The following PRNP variants were observed in gnomAD, a reference collection of about 807,000 sequenced individuals.
PRNP encodes the protein major prion protein.
Under a neutral mutation model 21.3 loss-of-function variants are expected in PRNP, and 15 were observed. The observed-to-expected ratio is 0.71, with a 90% CI of 0.47 to 1.09. The LOEUF is 1.09. PRNP is among the 50% of genes least tolerant of loss of function. PRNP has a pLI of 0.00. For missense variants in PRNP, 285 were observed against 340.9 expected (o/e 0.84, Z 1.29); for synonymous variants, 121 against 123.1 (o/e 0.98, Z 0.11).
chr20:4,687,880 C>G (rs913545160), intron 1 of PRNP, among the ~76,000 whole-genome samples: 10 of 151,970 alleles, frequency 6.6e-5, no homozygotes, highest in South Asian at 6.2e-4. Context: ...AACATAGGAA[C>G]AGGGAATTGG....
rs563095366 is a variant in PRNP at position 4,700,522 on chromosome 20, C to T, written c.*540C>T. The stretch of plus-strand genomic sequence containing the variant: ...TAGCTCTTGGGATGCAGGCTCAGCC[C>T]GCTGGAGCATGAGCTCTGTGTGTAC... On this transcript the variant is annotated 3_prime_UTR_variant, in exon 2 of 2. Coordinates refer to ENST00000379440, the MANE Select transcript of PRNP (RefSeq NM_000311.5). The surrounding 1 kb of genome is among the most constrained non-coding windows in gnomAD (Gnocchi z 4.1). 9.0e-5 allele frequency: 28 copies of T among 309,952 alleles called. No individual in the cohort carries two copies. Among genetic ancestry groups the T allele is most frequent in the Admixed American group, 1.9e-4 (4 of 20,748 alleles). 19.2% of individuals were successfully genotyped at this position (309,952 alleles called of 1,614,324 possible).
At chr20:4,692,602 C>T (rs1409007695) in intron 1 of PRNP, among the ~76,000 whole-genome samples, 2 of 152,096 alleles carry the variant, frequency 1.3e-5, no homozygotes, top group African/African-American at 2.4e-5. Context: ...TCTATAGAAA[C>T]GTTTTAAAAA....
At position 4,699,611 on chromosome 20, in the gene PRNP, G is replaced by A. The variant is rs748577950; in HGVS notation, c.391G>A (p.Gly131Arg). 2 of 1,614,028 alleles carry A rather than the reference G, an allele frequency of 1.2e-6. No individual in the cohort carries two copies. Among genetic ancestry groups the A allele is most frequent in the African/African-American group, 1.3e-5 (1 of 74,922 alleles). ...GGGGGGCCTTGGCGGCTACATGCTG[G>A]GAAGTGCCATGAGCAGGCCCATCAT... ...VVGGLGGYML[G>R]SAMSRPIIHF... The change falls in exon 2 of 2, where the codon GGA becomes AGA. Residue 131 changes from glycine to arginine, a missense_variant. Coordinates refer to ENST00000379440, the MANE Select transcript of PRNP (RefSeq NM_000311.5). This position sits in a 1 kb window ranked among gnomAD's most constrained non-coding sequence, Gnocchi z 5.8.
chr20:4,692,173 GTA>G (rs1355606785), intron 1 of PRNP, among the ~76,000 whole-genome samples: 1 of 152,148 alleles, frequency 6.6e-6, no homozygotes, highest in Non-Finnish European at 1.5e-5. Context: ...AAAAAACATT[GTA>G]TGTCTTTCTC....
chr20:4,700,970 T>C lies in PRNP; in HGVS notation c.*988T>C, dbSNP rs1922570272. 1 of 166,984 alleles carries C rather than the reference T, an allele frequency of 6.0e-6. No homozygotes were observed. Among genetic ancestry groups the C allele is most frequent in the Non-Finnish European group, 1.5e-5 (1 of 68,122 alleles). The allele number at this position is 166,984 out of a possible 1,614,324, so 10.3% of individuals were successfully genotyped here. A position where few individuals can be genotyped will look rare whatever the true frequency, so the allele number is the denominator to read the frequency against. On this transcript the variant is annotated 3_prime_UTR_variant, in exon 2 of 2. Transcript: ENST00000379440. This position sits in a 1 kb window ranked among gnomAD's most constrained non-coding sequence, Gnocchi z 4.1. ...ATGGTCAGTGTGCAAAGAAAAGAAC[T>C]GCTTGCATTTCTTTATTTCTGTCTC...
intron 1 of PRNP, among the ~76,000 whole-genome samples, chr20:4,694,237 A>G (rs1056191351): frequency 3.3e-5 from 5 of 151,370 alleles, no homozygotes; most frequent in Non-Finnish European, 7.4e-5. Context: ...ATGGTGGCTC[A>G]CACCTGTAAT....
In PRNP at chr20:4,700,553, A is replaced by C. The variant is rs1331692407; in HGVS notation, c.*571A>C. 2 of 268,704 alleles carry C rather than the reference A, an allele frequency of 7.4e-6. No individual in the cohort carries two copies. The highest frequency in any genetic ancestry group is 1.5e-3 in the Middle Eastern group (1 of 670). 16.6% of individuals were successfully genotyped at this position (268,704 alleles called of 1,614,324 possible). A position where few individuals can be genotyped will look rare whatever the true frequency, so the allele number is the denominator to read the frequency against. ...AGCATGAGCTCTGTGTGTACCGAGAACTGGGGTGATGTTTTACTTTTCACA... is the reference window on the plus strand; with the variant it reads ...AGCATGAGCTCTGTGTGTACCGAGACCTGGGGTGATGTTTTACTTTTCACA... On this transcript the variant is annotated 3_prime_UTR_variant, in exon 2 of 2. Transcript: ENST00000379440. This position sits in a 1 kb window ranked among gnomAD's most constrained non-coding sequence, Gnocchi z 4.1.
At chr20:4,694,288 C>T (rs1167719598) in intron 1 of PRNP, among the ~76,000 whole-genome samples, 3 of 151,712 alleles carry the variant, frequency 2.0e-5, no homozygotes, top group African/African-American at 4.8e-5. Context: ...ATCTCTTGAG[C>T]CCAGAAGTTT....
At chr20:4,691,413 C>T (rs969248674) in intron 1 of PRNP, among the ~76,000 whole-genome samples, 10 of 152,062 alleles carry the variant, frequency 6.6e-5, no homozygotes, top group Non-Finnish European at 1.0e-4. Context: ...TCATATGTGG[C>T]CTTTATTGTG....
rs1922260545 is a variant in PRNP at position 4,697,774 on chromosome 20, A to G, written c.-10-1437A>G. 6.6e-6 allele frequency among the ~76,000 whole-genome samples: 1 copy of G among 152,178 alleles called. No homozygotes were observed. Among genetic ancestry groups the G allele is most frequent in the Non-Finnish European group, 1.5e-5 (1 of 68,036 alleles). ...AATGGCAGCCAGGGGAGGAGCAGGG[A>G]GGCTGGTTGGGAGGCTGTTGAAGAA... On this transcript the variant is annotated intron_variant, in intron 1 of 1. Transcript: ENST00000379440. This position sits in a 1 kb window ranked among gnomAD's most constrained non-coding sequence, Gnocchi z 4.6.
chr20:4,692,935 A>G (rs1008494093), intron 1 of PRNP, among the ~76,000 whole-genome samples: 2 of 152,170 alleles, frequency 1.3e-5, no homozygotes, highest in African/African-American at 4.8e-5. Context: ...TCTCAGGTGA[A>G]GACGCCCAAA....
In PRNP at chr20:4,699,994, C is replaced by CTGTTTTCACCA. The variant is rs1922495739; in HGVS notation, c.*14_*24dup. On this transcript the variant is annotated 3_prime_UTR_variant, in exon 2 of 2. Transcript: ENST00000379440. This position sits in a 1 kb window ranked among gnomAD's most constrained non-coding sequence, Gnocchi z 5.8. ...TGATAGTGGGATGAGGAAGGTCTTCCTGTTTTCACCATCTTTCTAATCTTT... is the reference window on the plus strand; with the variant it reads ...TGATAGTGGGATGAGGAAGGTCTTCCTGTTTTCACCATGTTTTCACCATCTTTCTAATCTTT... The CTGTTTTCACCA allele has an allele frequency of 6.3e-7, 1 of 1,595,724 alleles. No homozygotes were observed. Among genetic ancestry groups the CTGTTTTCACCA allele is most frequent in the African/African-American group, 1.3e-5 (1 of 74,508 alleles).
At position 4,691,634 on chromosome 20, in the gene PRNP, C is replaced by A. The variant is rs77847858; in HGVS notation, c.-11+5122C>A. On this transcript the variant is annotated intron_variant, in intron 1 of 1. Coordinates refer to ENST00000379440, the MANE Select transcript of PRNP (RefSeq NM_000311.5). Reference sequence around the variant, plus strand: ...ATCCCACTGTATCATAGTAAATGATCTTTTTAATGAGCTGTTGAATTTGCT... The same window carrying A: ...ATCCCACTGTATCATAGTAAATGATATTTTTAATGAGCTGTTGAATTTGCT... Among the ~76,000 whole-genome samples the A allele has an allele frequency of 9.6e-3, 1,462 of 152,246 alleles. 27 individuals are homozygous for A. Among genetic ancestry groups the A allele is most frequent in the African/African-American group, 0.034 (1,400 of 41,542 alleles).
In PRNP at chr20:4,686,630, C is replaced by T. The variant is rs1921452106; in HGVS notation, c.-11+118C>T. 1 of 151,944 alleles carries T rather than the reference C, an allele frequency of 6.6e-6. No individual in the cohort carries two copies. Among genetic ancestry groups the T allele is most frequent in the Non-Finnish European group, 1.5e-5 (1 of 68,018 alleles). The allele number at this position is 151,944 out of a possible 1,614,324, so 9.4% of individuals were successfully genotyped here. A position where few individuals can be genotyped will look rare whatever the true frequency, so the allele number is the denominator to read the frequency against. On this transcript the variant is annotated intron_variant, in intron 1 of 1. Transcript: ENST00000379440. The surrounding 1 kb of genome is among the most constrained non-coding windows in gnomAD (Gnocchi z 6.7). ...TGCCCGGCCGGGCGGGGTCGGGACC[C>T]CAGTGAGGAGGGGCCGGGGGCTGCC... is the stretch of plus-strand genomic sequence containing the variant.
chr20:4,690,713 T>C (rs1921768638), intron 1 of PRNP, among the ~76,000 whole-genome samples: 1 of 152,250 alleles, frequency 6.6e-6, no homozygotes. Context: ...TTATATGTAT[T>C]GTGTACAAAA....
rs1379408751 is a variant in PRNP at position 4,686,659 on chromosome 20, C to A, written c.-11+147C>A. The A allele has an allele frequency of 6.6e-6, 1 of 152,120 alleles. No individual in the cohort carries two copies. Among genetic ancestry groups the A allele is most frequent in the African/African-American group, 2.4e-5 (1 of 41,394 alleles). The allele number at this position is 152,120 out of a possible 1,614,324, so 9.4% of individuals were successfully genotyped here. ...TGAGGAGGGGCCGGGGGCTGCCCCG[C>A]GGGCGCGTGACGCGTCTCGGGCCTG... On this transcript the variant is annotated intron_variant, in intron 1 of 1. Coordinates refer to ENST00000379440, the MANE Select transcript of PRNP (RefSeq NM_000311.5). The surrounding 1 kb of genome is among the most constrained non-coding windows in gnomAD (Gnocchi z 6.7).
Position 4,699,906 on chromosome 20 carries a change from G to A in PRNP, c.686G>A (p.Gly229Glu), listed in dbSNP as rs778878824. Residue 229 changes from glycine to glutamate, a missense_variant, in exon 2 of 2, where the codon GGA becomes GAA. By Grantham distance (98) the Gly-to-Glu change is moderately conservative. Transcript: ENST00000379440. The surrounding 1 kb of genome is among the most constrained non-coding windows in gnomAD (Gnocchi z 5.8). ...ERESQAYYQR[G>E]SSMVLFSSPP... is the part of the protein sequence containing the mutation. ...GAATCTCAGGCCTATTACCAGAGAG[G>A]ATCGAGCATGGTCCTCTTCTCCTCT... 1 of 1,613,902 alleles carries A rather than the reference G, an allele frequency of 6.2e-7. No homozygotes were observed. The highest frequency in any genetic ancestry group is 8.5e-7 in the Non-Finnish European group (1 of 1,179,984).
intron 1 of PRNP, among the ~76,000 whole-genome samples, chr20:4,693,116 G>A (rs1406931082): frequency 1.3e-5 from 2 of 152,120 alleles, no homozygotes; most frequent in Middle Eastern, 3.4e-3. Context: ...TGGCATCACC[G>A]CCATCTCCCT....
At chr20:4,687,253 C>T (rs1921519758) in intron 1 of PRNP, among the ~76,000 whole-genome samples, 1 of 151,246 alleles carries the variant, frequency 6.6e-6, no homozygotes, top group Non-Finnish European at 1.5e-5. Flanking sequence ...GGCGGGGCCT[C>T]GGGCCTCGGC....
Sources: gnomAD v4.1 joint callset for allele counts (sites outside exome capture counted in the v4.1 genomes callset) on GRCh38, gnomAD v4.1.1 for gene constraint, Gnocchi (gnomAD v3.1) non-coding constraint, MANE v1.5 for transcripts, NCBI Gene and HGNC (gene_info 2026-07-23, HGNC 2026-07-21) for gene names.